KIAA2012: variants seen among roughly 807,000 people sequenced by gnomAD.
The protein encoded by KIAA2012 is KIAA2012, also known as uncharacterized protein KIAA2012.
KIAA2012 carries 125 observed loss-of-function variants against 150.6 expected under a neutral mutation model. That is an observed-to-expected ratio of 0.83 (90% CI 0.72 to 0.96). The LOEUF is 0.96. Among genes scored for constraint, KIAA2012 ranks in the 40% least tolerant of loss-of-function variants. The pLI, the probability that KIAA2012 is intolerant of heterozygous loss-of-function variation, is 0.00. For synonymous variants in KIAA2012, 462 were observed against 504.7 expected (o/e 0.92, Z 1.13); for missense variants, 1,219 against 1,354.9 (o/e 0.90, Z 1.57).
At chr2:202,127,170 G>A (rs1690813658) in intron 12 of KIAA2012, among the ~76,000 whole-genome samples, 1 of 151,520 alleles carries the variant, frequency 6.6e-6, no homozygotes, top group African/African-American at 2.4e-5. Context: ...TTTCAAGCAA[G>A]ATAAGCCTGT....
At chr2:202,147,647 A>T (rs1015173126) in intron 13 of KIAA2012, among the ~76,000 whole-genome samples, 1 of 151,262 alleles carries the variant, frequency 6.6e-6, no homozygotes, top group African/African-American at 2.4e-5. Context: ...TCAAAACACC[A>T]TTTTTTTTTC....
intron 11 of KIAA2012, among the ~76,000 whole-genome samples, chr2:202,117,488 T>C (rs1471796900): frequency 6.6e-6 from 1 of 152,244 alleles, no homozygotes; most frequent in Non-Finnish European, 1.5e-5. Flanking sequence ...ACCTTACTGA[T>C]GATGCCGAGA....
chr2:202,133,101 T>TAAAAAAAAAAAAAA (rs376450801), intron 12 of KIAA2012, among the ~76,000 whole-genome samples: 1 of 74,178 alleles, frequency 1.3e-5, no homozygotes, highest in Admixed American at 1.6e-4. Flanking sequence ...TGAGACTGTC[T>TAAAAAAAAAAAAAA]AAAAAAAAAT....
chr2:202,161,711 C>T (rs994490152), intron 14 of KIAA2012, among the ~76,000 whole-genome samples: 1 of 152,236 alleles, frequency 6.6e-6, no homozygotes, highest in South Asian at 2.1e-4. Flanking sequence ...ACATTTATCA[C>T]GCTGCATTGC....
At chr2:202,145,223 C>A (rs1308515949) in intron 13 of KIAA2012, among the ~76,000 whole-genome samples, 4 of 152,188 alleles carry the variant, frequency 2.6e-5, no homozygotes, top group Admixed American at 1.3e-4. Flanking sequence ...ACACTGCCAA[C>A]GTTCACCTAT....
chr2:202,105,566 A>G (rs542594431), intron 8 of KIAA2012, among the ~76,000 whole-genome samples, 195 bp from the exon 9 acceptor site: 1 of 152,262 alleles, frequency 6.6e-6, no homozygotes, highest in African/African-American at 2.4e-5. Flanking sequence ...CCCCGGAACC[A>G]ATCTCTGTGG....
At chr2:202,202,223 A>C (rs1692543884) in intron 22 of KIAA2012, among the ~76,000 whole-genome samples, 1 of 151,854 alleles carries the variant, frequency 6.6e-6, no homozygotes, top group African/African-American at 2.4e-5. Context: ...CTCTCTTTTT[A>C]CTTTTCCAGT....
At chr2:202,116,780 T>C (rs1690539769) in intron 11 of KIAA2012, 1 of 152,084 alleles carries the variant, frequency 6.6e-6, no homozygotes, top group Non-Finnish European at 1.5e-5. Context: ...ATGGCTCACT[T>C]CTAAATAAAG....
At chr2:202,099,464 C>T (rs12474421) in intron 5 of KIAA2012, 149 bp from the exon 6 acceptor site, 113,788 of 559,734 alleles carry the variant, frequency 0.2, 14,003 homozygotes, top group Non-Finnish European at 0.25. Context: ...CATTAAAGAG[C>T]TTGCTGTTAT....
intron 22 of KIAA2012, chr2:202,201,609 G>A: frequency 8.7e-6 from 14 of 1,610,184 alleles, no homozygotes; most frequent in Non-Finnish European, 1.2e-5. Flanking sequence ...GGGACCAACT[G>A]GATAATAAGC....
intron 15 of KIAA2012, among the ~76,000 whole-genome samples, chr2:202,177,101 T>G (rs909288813): frequency 6.6e-6 from 1 of 152,208 alleles, no homozygotes; most frequent in African/African-American, 2.4e-5. Context: ...GAATACTATA[T>G]GATAGCTGAA....
At chr2:202,182,242 G>A (rs976048133) in intron 15 of KIAA2012, among the ~76,000 whole-genome samples, 1 of 150,862 alleles carries the variant, frequency 6.6e-6, no homozygotes, top group Non-Finnish European at 1.5e-5. Context: ...CTCCCGAGTA[G>A]CTGGGATTAC....
intron 11 of KIAA2012, among the ~76,000 whole-genome samples, chr2:202,121,801 C>T (rs1035066266): frequency 2.0e-5 from 3 of 152,156 alleles, no homozygotes; most frequent in African/African-American, 7.2e-5. Context: ...GATTCACAAG[C>T]CAGTAACTGT....
chr2:202,080,432 G>A (rs1689422705), intron 2 of KIAA2012, among the ~76,000 whole-genome samples: 4 of 152,054 alleles, frequency 2.6e-5, no homozygotes, highest in Non-Finnish European at 5.9e-5. Flanking sequence ...GATGGCACAC[G>A]CCTGTAATAC....
intron 2 of KIAA2012, among the ~76,000 whole-genome samples, chr2:202,082,080 G>A (rs1689462818): frequency 6.6e-6 from 1 of 152,154 alleles, no homozygotes; most frequent in Non-Finnish European, 1.5e-5. Context: ...AAATGACATT[G>A]AGCATCTTTT....
Position 202,104,123 on chromosome 2 carries a change from GAC to G in KIAA2012, c.1324+1011_1324+1012del, listed in dbSNP as rs1040042113. ...GGAGCTTAAAAGACCAATGGAAGGG[GAC>G]ATGAAGGAACTTTCTGGGGTGATGA... is the stretch of plus-strand genomic sequence containing the variant. On this transcript the variant is annotated intron_variant, in intron 8 of 23. Coordinates refer to ENST00000498697, the MANE Select transcript of KIAA2012 (RefSeq NM_001277372.4). The surrounding 1 kb of genome is among the most constrained non-coding windows in gnomAD (Gnocchi z 4.3). Among the ~76,000 whole-genome samples, 9 of 152,172 alleles carry G rather than the reference GAC, an allele frequency of 5.9e-5. No homozygotes were observed. The highest frequency in any genetic ancestry group is 2.2e-4 in the African/African-American group (9 of 41,438).
At position 202,154,616 on chromosome 2, in the gene KIAA2012, C is replaced by G; in HGVS notation, c.1909-57C>G. On this transcript the variant is annotated intron_variant, in intron 13 of 23. Transcript: ENST00000498697. ...AAATATTTGGGGATTTGGACTAGCT[C>G]TTGTTGCACTGTATATCATTCATAT... 8 of 1,449,338 alleles carry G rather than the reference C, an allele frequency of 5.5e-6. No homozygotes were observed. In the South Asian group the frequency reaches 1.1e-4, roughly 20 times the overall value. 89.8% of individuals were successfully genotyped at this position (1,449,338 alleles called of 1,614,324 possible). A position where few individuals can be genotyped will look rare whatever the true frequency, so the allele number is the denominator to read the frequency against.
At chr2:202,174,185 G>A (rs1691949573) in intron 15 of KIAA2012, among the ~76,000 whole-genome samples, 2 of 152,086 alleles carry the variant, frequency 1.3e-5, no homozygotes, top group South Asian at 2.1e-4. Context: ...GGCTGGTCTC[G>A]AACTCCTGAC....
chr2:202,117,952 A>C (rs1402481086), intron 11 of KIAA2012, among the ~76,000 whole-genome samples: 1 of 151,820 alleles, frequency 6.6e-6, no homozygotes, highest in Non-Finnish European at 1.5e-5. Flanking sequence ...AACTTTGGAA[A>C]ATGCTAAACT....
Sources: gnomAD v4.1 joint callset for allele counts (sites outside exome capture counted in the v4.1 genomes callset) on GRCh38, gnomAD v4.1.1 for gene constraint, Gnocchi (gnomAD v3.1) non-coding constraint, MANE v1.5 for transcripts, NCBI Gene and HGNC (gene_info 2026-07-23, HGNC 2026-07-21) for gene names.